Variants in BANK1 observed in about 807,000 individuals in gnomAD.
BANK1 encodes B-cell scaffold protein with ankyrin repeats.
Under a neutral mutation model 94.5 loss-of-function variants are expected in BANK1, and 95 were observed. The ratio of observed to expected loss-of-function variants is 1.00; its 90% CI spans 0.85 to 1.19. The LOEUF (loss-of-function observed/expected upper bound fraction) is 1.19, where lower values mean the gene tolerates loss of function less well. Ranked by LOEUF, BANK1 falls within the 50% of genes most tolerant of loss-of-function variation. BANK1 has a pLI of 0.00. For synonymous variants in BANK1, 334 were observed against 308.4 expected (o/e 1.08, Z -0.87); for missense variants, 987 against 932.2 (o/e 1.06, Z -0.77).
At chr4:101,921,063 A>C (rs574803202) in intron 7 of BANK1, among the ~76,000 whole-genome samples, 29 of 152,036 alleles carry the variant, frequency 1.9e-4, no homozygotes, top group African/African-American at 5.8e-4. Context: ...GAGGTTAATA[A>C]TTTATACACA....
chr4:101,927,833 C>G (rs1471770531), intron 7 of BANK1, among the ~76,000 whole-genome samples: 1 of 151,434 alleles, frequency 6.6e-6, no homozygotes, highest in Non-Finnish European at 1.5e-5. Context: ...CTACTATGTT[C>G]CAAAGTTTGG....
chr4:102,035,517 G>A (rs1727473357), intron 10 of BANK1, among the ~76,000 whole-genome samples: 2 of 151,914 alleles, frequency 1.3e-5, no homozygotes, highest in South Asian at 2.1e-4. Flanking sequence ...GCATGGTGGC[G>A]GGTGCCTGTA....
chr4:101,894,236 T>TA lies in BANK1; in HGVS notation c.904-1062dup, dbSNP rs1043657572. ...TTTTGTCACATTTTCCCTTCTTTTT[T>TA]AAAAAAATGTAATCCAGAGCTAAGA... On this transcript the variant is annotated intron_variant, in intron 5 of 16. Coordinates refer to ENST00000322953, the MANE Select transcript of BANK1 (RefSeq NM_017935.5). Among the ~76,000 whole-genome samples, 6 of 152,140 alleles carry TA rather than the reference T, an allele frequency of 3.9e-5. No homozygotes were observed. The South Asian group carries it at 1.0e-3, about 26-fold the overall frequency.
At chr4:101,906,114 G>A (rs1384660415) in intron 6 of BANK1, among the ~76,000 whole-genome samples, 1 of 152,148 alleles carries the variant, frequency 6.6e-6, no homozygotes, top group Non-Finnish European at 1.5e-5. Context: ...CTGAATGGAA[G>A]TTTTATCTGC....
intron 5 of BANK1, among the ~76,000 whole-genome samples, chr4:101,885,941 A>G (rs150145070): frequency 4.6e-5 from 7 of 152,338 alleles, no homozygotes; most frequent in Non-Finnish European, 7.3e-5. Context: ...CTATAACACA[A>G]TAGGAAGTAG....
At chr4:101,869,065 T>A (rs914036674) in intron 4 of BANK1, among the ~76,000 whole-genome samples, 4 of 151,792 alleles carry the variant, frequency 2.6e-5, no homozygotes, top group Non-Finnish European at 5.9e-5. Flanking sequence ...ATATATAGAA[T>A]ATTTATCTAC....
At chr4:102,024,993 T>C (rs1266222484) in intron 8 of BANK1, among the ~76,000 whole-genome samples, 5 of 152,216 alleles carry the variant, frequency 3.3e-5, no homozygotes, top group Non-Finnish European at 7.4e-5. Context: ...CAAGACATAA[T>C]GGAGCTTTGA....
At chr4:101,819,791 G>A (rs565400740) in intron 1 of BANK1, among the ~76,000 whole-genome samples, 16 of 152,238 alleles carry the variant, frequency 1.1e-4, no homozygotes, top group Admixed American at 5.2e-4. Flanking sequence ...TAATGCTAGC[G>A]AAGGGAACAT....
chr4:102,043,704 A>C (rs1727778637), intron 10 of BANK1, 135 bp from the exon 11 acceptor site: 1 of 520,858 alleles, frequency 1.9e-6, no homozygotes, highest in Non-Finnish European at 3.5e-6. Context: ...TAATCTTCCT[A>C]CTCAAAAGTA....
At chr4:102,019,466 G>A (rs1726818086) in intron 7 of BANK1, among the ~76,000 whole-genome samples, 2 of 152,154 alleles carry the variant, frequency 1.3e-5, no homozygotes, top group Non-Finnish European at 2.9e-5. Context: ...TCAAACTGAT[G>A]ACATAGATAT....
intron 7 of BANK1, among the ~76,000 whole-genome samples, chr4:102,010,929 A>T (rs944391782): frequency 1.3e-5 from 2 of 152,250 alleles, no homozygotes; most frequent in Non-Finnish European, 2.9e-5. Context: ...GTAGAGTATG[A>T]TAAGAAACTA....
chr4:102,072,887 A>C (rs1728804056), intron 15 of BANK1, among the ~76,000 whole-genome samples: 2 of 152,170 alleles, frequency 1.3e-5, no homozygotes, highest in Admixed American at 6.5e-5. Flanking sequence ...ACAGCAATGG[A>C]AAACCAAGAC....
rs1727194141 is a variant in BANK1 at position 101,845,063 on chromosome 4, A to G, written c.470-9972A>G. On this transcript the variant is annotated intron_variant, in intron 2 of 16. Coordinates refer to ENST00000322953, the MANE Select transcript of BANK1 (RefSeq NM_017935.5). ...TGAGAAAGTGAAAGGAAATTAAAATATTATTTAGAAGGTTGCTTTATATGG... is the reference window on the plus strand; with the variant it reads ...TGAGAAAGTGAAAGGAAATTAAAATGTTATTTAGAAGGTTGCTTTATATGG... 2.0e-5 allele frequency among the ~76,000 whole-genome samples: 3 copies of G among 152,322 alleles called. No homozygotes were observed. The South Asian group carries it at 6.2e-4, about 32-fold the overall frequency.
At chr4:101,910,390 T>G (rs1431098448) in intron 6 of BANK1, among the ~76,000 whole-genome samples, 3 of 152,146 alleles carry the variant, frequency 2.0e-5, no homozygotes, top group Non-Finnish European at 4.4e-5. Context: ...ATTAAAATCA[T>G]GGGTGCAGAG....
At position 101,969,730 on chromosome 4, in the gene BANK1, C is replaced by A. The variant is rs114734351; in HGVS notation, c.1206+51541C>A. 4.5e-3 allele frequency among the ~76,000 whole-genome samples: 680 copies of A among 152,078 alleles called. 10 individuals are homozygous for A. Among genetic ancestry groups the A allele is most frequent in the African/African-American group, 0.015 (630 of 41,496 alleles). ...AATTATAGGATGAATGAAATGGACA[C>A]CCTATTTGTTACTATGGATAGACTG... On this transcript the variant is annotated intron_variant, in intron 7 of 16. Transcript: ENST00000322953.
At chr4:101,988,376 A>C (rs1216890572) in intron 7 of BANK1, among the ~76,000 whole-genome samples, 1 of 152,138 alleles carries the variant, frequency 6.6e-6, no homozygotes, top group Non-Finnish European at 1.5e-5. Context: ...ATGCTCCCTG[A>C]GAAATTTGAA....
At chr4:101,816,510 G>A (rs1244733503) in intron 1 of BANK1, among the ~76,000 whole-genome samples, 3 of 151,630 alleles carry the variant, frequency 2.0e-5, no homozygotes, top group Non-Finnish European at 2.9e-5. Flanking sequence ...ACTTTGGACT[G>A]GTGCTGGCAT....
chr4:102,037,693 C>T (rs1727556692), intron 10 of BANK1, among the ~76,000 whole-genome samples: 1 of 152,178 alleles, frequency 6.6e-6, no homozygotes, highest in Admixed American at 6.6e-5. Flanking sequence ...GTGAAAATTA[C>T]ATAACCTTGC....
At chr4:102,045,240 C>T (rs148767315) in intron 11 of BANK1, among the ~76,000 whole-genome samples, 2,332 of 152,170 alleles carry the variant, frequency 0.015, 24 homozygotes, top group Middle Eastern at 0.034. Context: ...AATTCAACAA[C>T]GCTTCATGCT....
Sources: gnomAD v4.1 joint callset for allele counts (sites outside exome capture counted in the v4.1 genomes callset) on GRCh38, gnomAD v4.1.1 for gene constraint, MANE v1.5 for transcripts, NCBI Gene and HGNC (gene_info 2026-07-23, HGNC 2026-07-21) for gene names.